Variants in VPS8 observed in about 807,000 individuals in gnomAD.
The protein encoded by VPS8 is vacuolar protein sorting-associated protein 8 homolog.
A neutral mutation model predicts 216.4 loss-of-function variants in VPS8; 129 were observed. The observed-to-expected ratio is 0.60, with a 90% CI of 0.52 to 0.69. The LOEUF is 0.69. VPS8 is among the 30% of genes least tolerant of loss of function. The pLI, the probability that VPS8 is intolerant of heterozygous loss-of-function variation, is 0.00. For synonymous variants in VPS8, 571 were observed against 565.4 expected (o/e 1.01, Z -0.14); for missense variants, 1,531 against 1,683.5 (o/e 0.91, Z 1.59).
rs1757063177 is a variant in VPS8 at position 185,024,360 on chromosome 3, C to G, written c.4027C>G (p.Gln1343Glu). The G allele has an allele frequency of 6.3e-7, 1 of 1,598,286 alleles. No homozygotes were observed. Among genetic ancestry groups the G allele is most frequent in the South Asian group, 1.1e-5 (1 of 87,804 alleles). The change falls in exon 46 of 48, where the codon CAG (glutamine) becomes GAG (glutamate). Residue 1343 changes from glutamine to glutamate, a missense_variant. Physicochemically the swap from Gln to Glu is conservative, Grantham distance 29 (BLOSUM62 2). This residue lies in a region of VPS8 where 1,318 missense variants were observed against 1,468.4 expected (regional missense o/e 0.90). Coordinates refer to ENST00000625842, the MANE Select transcript of VPS8 (RefSeq NM_001009921.3). Reference protein sequence around the residue: ...SQVKMSPSYHQSKGDPTAKKG... With the variant: ...SQVKMSPSYHESKGDPTAKKG... ...GGTAAAAATGTCTCCATCGTATCAT[C>G]AGTCCAAAGGGGATCCCACTGCTAA... is the stretch of plus-strand genomic sequence containing the variant.
At chr3:184,988,728 A>G (rs1291126970) in intron 42 of VPS8, among the ~76,000 whole-genome samples, 1 of 152,220 alleles carries the variant, frequency 6.6e-6, no homozygotes, top group Non-Finnish European at 1.5e-5. Flanking sequence ...CATTGAACTT[A>G]TAGATCAAAT....
At chr3:185,046,021 C>T (rs1003582275) in intron 46 of VPS8, among the ~76,000 whole-genome samples, 2 of 152,206 alleles carry the variant, frequency 1.3e-5, no homozygotes, top group Non-Finnish European at 2.9e-5. Flanking sequence ...GTTTCTTCCT[C>T]TCGTATTCAC....
chr3:184,834,722 G>A lies in VPS8; in HGVS notation c.427G>A (p.Ala143Thr), dbSNP rs1264580787. ...CCATTCACTTTTGAAGGGAATTTCTGCCCAGATAGTGTCTGCAGCTGTAAG... is the reference window on the plus strand; with the variant it reads ...CCATTCACTTTTGAAGGGAATTTCTACCCAGATAGTGTCTGCAGCTGTAAG... Reference protein sequence around the residue: ...MRHSLLKGISAQIVSAADKVD... With the variant: ...MRHSLLKGISTQIVSAADKVD... The change falls in exon 5 of 48, where the codon GCC (alanine) becomes ACC (threonine). Residue 143 changes from alanine to threonine, a missense_variant. Coordinates refer to ENST00000625842, the MANE Select transcript of VPS8 (RefSeq NM_001009921.3). The A allele has an allele frequency of 6.4e-7, 1 of 1,560,624 alleles. No homozygotes were observed. The highest frequency in any genetic ancestry group is 8.7e-7 in the Non-Finnish European group (1 of 1,151,424).
chr3:184,820,917 GT>G, intron 1 of VPS8, among the ~76,000 whole-genome samples: 1 of 152,144 alleles, frequency 6.6e-6, no homozygotes, highest in East Asian at 1.9e-4. Flanking sequence ...GGCTGTACTA[GT>G]CTTAGACAAA....
chr3:185,020,712 C>A (rs749264485), intron 45 of VPS8, among the ~76,000 whole-genome samples: 1 of 152,178 alleles, frequency 6.6e-6, no homozygotes, highest in Non-Finnish European at 1.5e-5. Flanking sequence ...CTCAAGCCAA[C>A]CTCCTTTTGG....
rs145261023 is a variant in VPS8 at position 184,988,145 on chromosome 3, C to T, written c.3585+5051C>T. The stretch of plus-strand genomic sequence containing the variant: ...TTTATTCTCTTAACAGTGTGTTTCA[C>T]ACAGCAGAAGTGTTTGCTTTTAATG... On this transcript the variant is annotated intron_variant, in intron 42 of 47. Coordinates refer to ENST00000625842, the MANE Select transcript of VPS8 (RefSeq NM_001009921.3). Among the ~76,000 whole-genome samples the T allele has an allele frequency of 3.8e-3, 580 of 152,334 alleles. 3 individuals are homozygous for T. Among genetic ancestry groups the T allele is most frequent in the African/African-American group, 0.013 (559 of 41,572 alleles).
Position 184,930,496 on chromosome 3 carries a change from T to A in VPS8, c.2826T>A (p.Asn942Lys). 1 of 1,613,064 alleles carries A rather than the reference T, an allele frequency of 6.2e-7. No individual in the cohort carries two copies. The highest frequency in any genetic ancestry group is 8.5e-7 in the Non-Finnish European group (1 of 1,179,146). ...REEEVFNYIHNILSIPGHSAE... is the reference protein window; with the variant it reads ...REEEVFNYIHKILSIPGHSAE... The stretch of plus-strand genomic sequence containing the variant: ...AAGAAGTCTTTAATTACATTCACAA[T>A]ATCTTATCCATTCCCGGACACAGTG... Residue 942 changes from asparagine to lysine, a missense_variant, in exon 34 of 48, where the codon AAT becomes AAA. By Grantham distance (94) the Asn-to-Lys change is moderately conservative (BLOSUM62 0). This residue lies in a region of VPS8 where 1,318 missense variants were observed against 1,468.4 expected (regional missense o/e 0.90). Coordinates refer to ENST00000625842, the MANE Select transcript of VPS8 (RefSeq NM_001009921.3).
chr3:184,990,598 G>A (rs554628443), intron 42 of VPS8, among the ~76,000 whole-genome samples: 12 of 152,272 alleles, frequency 7.9e-5, no homozygotes, highest in Non-Finnish European at 1.5e-4. Context: ...TGAGAAAAGT[G>A]CCACTCAGAA....
intron 8 of VPS8, 107 bp downstream of exon 8, chr3:184,843,352 G>GAA (rs11384502): frequency 1.9e-5 from 14 of 744,668 alleles, no homozygotes; most frequent in African/African-American, 7.3e-5. Flanking sequence ...AATGCTTATT[G>GAA]AAAAAAACCC....
At chr3:184,898,982 G>A (rs1284372897) in intron 24 of VPS8, among the ~76,000 whole-genome samples, 7 of 151,918 alleles carry the variant, frequency 4.6e-5, no homozygotes, top group African/African-American at 1.7e-4. Flanking sequence ...CTAAAGATAC[G>A]AAAAATTTAT....
chr3:184,841,730 T>G lies in VPS8; in HGVS notation c.536-1510T>G, dbSNP rs116050401. ...ATAATTAATGTTAGATAAATAGAAT[T>G]TTGGGAAAGAAACTTACGAGGTCAT... On this transcript the variant is annotated intron_variant, in intron 7 of 47. Transcript: ENST00000625842. Among the ~76,000 whole-genome samples, 673 of 152,292 alleles carry G rather than the reference T, an allele frequency of 4.4e-3. 6 individuals are homozygous for G. The highest frequency in any genetic ancestry group is 0.016 in the African/African-American group (645 of 41,574).
At chr3:184,916,497 A>G (rs1398240142) in intron 28 of VPS8, among the ~76,000 whole-genome samples, 2 of 152,148 alleles carry the variant, frequency 1.3e-5, no homozygotes, top group African/African-American at 2.4e-5. Context: ...AGCCTATACT[A>G]CTTTTATAAA....
intron 36 of VPS8, among the ~76,000 whole-genome samples, chr3:184,946,838 A>C (rs1272702161): frequency 6.6e-6 from 1 of 151,886 alleles, no homozygotes; most frequent in African/African-American, 2.4e-5. Context: ...AGGGAAAAAA[A>C]CTTTTTTTTC....
intron 21 of VPS8, among the ~76,000 whole-genome samples, chr3:184,871,736 GT>G (rs931128825): frequency 1.3e-5 from 2 of 151,972 alleles, no homozygotes; most frequent in African/African-American, 2.4e-5. Context: ...AAAATAATGG[GT>G]TTTTTTGGTT....
chr3:185,051,927 C>G lies in VPS8; in HGVS notation c.4189C>G (p.Pro1397Ala), dbSNP rs141411209. The change falls in exon 48 of 48, where the codon CCA (proline) becomes GCA (alanine). Residue 1397 changes from proline to alanine, a missense_variant. Transcript: ENST00000625842. ...GAATCGCAGCAGCGAGAGCTATAGG[C>G]CATTCAGTGGCTCGCAGAGTGCTCC... ...SQNRSSESYR[P>A]FSGSQSAPAF... 1.2e-4 allele frequency: 186 copies of G among 1,613,468 alleles called. No individual in the cohort carries two copies. In the Middle Eastern group the frequency reaches 2.1e-3, roughly 19 times the overall value.
chr3:184,981,252 G>T (rs906203934), intron 40 of VPS8, among the ~76,000 whole-genome samples: 1 of 152,072 alleles, frequency 6.6e-6, no homozygotes, highest in Non-Finnish European at 1.5e-5. Flanking sequence ...AAAGCACTTT[G>T]TTGAGGCAGT....
intron 36 of VPS8, among the ~76,000 whole-genome samples, chr3:184,956,355 T>A (rs1745599249): frequency 6.6e-6 from 1 of 152,208 alleles, no homozygotes; most frequent in Non-Finnish European, 1.5e-5. Context: ...CAATCTTACT[T>A]CACTACAGTG....
chr3:184,846,804 A>G (rs773263714), intron 8 of VPS8, among the ~76,000 whole-genome samples: 1 of 152,266 alleles, frequency 6.6e-6, no homozygotes, highest in Non-Finnish European at 1.5e-5. Context: ...CCCAACCATC[A>G]TATCATGACA....
intron 20 of VPS8, 92 bp downstream of exon 20, chr3:184,869,620 A>G (rs1164379932): frequency 3.9e-6 from 5 of 1,278,288 alleles, no homozygotes; most frequent in African/African-American, 2.9e-5. Flanking sequence ...ATAAATGGCT[A>G]CAATCTAGAA....
Sources: gnomAD v4.1 joint callset for allele counts (sites outside exome capture counted in the v4.1 genomes callset) on GRCh38, gnomAD v4.1.1 for gene constraint, gnomAD v4.1.1 regional missense constraint, MANE v1.5 for transcripts, NCBI Gene and HGNC (gene_info 2026-07-23, HGNC 2026-07-21) for gene names.